Variants in FAIM2 observed in about 807,000 individuals in gnomAD.
FAIM2 encodes protein lifeguard 2.
FAIM2 carries 27 observed loss-of-function variants against 47.4 expected under a neutral mutation model. That is an observed-to-expected ratio of 0.57 (90% CI 0.42 to 0.78). FAIM2 has a LOEUF of 0.78. FAIM2 is among the 30% of genes least tolerant of loss of function. The pLI, the probability that FAIM2 is intolerant of heterozygous loss-of-function variation, is 0.00. For missense variants in FAIM2, 311 were observed against 389.4 expected (o/e 0.80, Z 1.69); for synonymous variants, 156 against 159.3 (o/e 0.98, Z 0.16).
Position 49,900,167 on chromosome 12 carries a change from C to G in FAIM2, c.211+963G>C, listed in dbSNP as rs74901040. Reference sequence around the variant, plus strand: ...CACAAACACCAGACCTTCATTGACCCTCCAGTAGGTCACGGTGGGGTGAGT... The same window carrying G: ...CACAAACACCAGACCTTCATTGACCGTCCAGTAGGTCACGGTGGGGTGAGT... On this transcript the variant is annotated intron_variant, in intron 2 of 11. Transcript: ENST00000320634. 4,369 of 1,282,442 alleles carry G rather than the reference C, an allele frequency of 3.4e-3. 142 individuals carry two copies. The African/African-American group carries it at 0.059, about 17-fold the overall frequency. 79.4% of individuals were successfully genotyped at this position (1,282,442 alleles called of 1,614,324 possible).
intron 2 of FAIM2, among the ~76,000 whole-genome samples, chr12:49,898,435 C>T (rs1385569885): frequency 7.9e-6 from 1 of 126,470 alleles, no homozygotes; most frequent in Non-Finnish European, 1.7e-5. Context: ...ATTCTGGCTC[C>T]CTTGTGGTCA....
rs80295142 is a variant in FAIM2, at chr12:49,889,332, C to G, written c.652-130G>C. 2,951 of 947,506 alleles carry G rather than the reference C, an allele frequency of 3.1e-3. 68 individuals carry two copies. In the African/African-American group the frequency reaches 0.042, roughly 13 times the overall value. 58.7% of individuals were successfully genotyped at this position (947,506 alleles called of 1,614,324 possible). A position where few individuals can be genotyped will look rare whatever the true frequency, so the allele number is the denominator to read the frequency against. On this transcript the variant is annotated intron_variant, in intron 9 of 11. Transcript: ENST00000320634. ...AGAACCTGGCATTCCTTCCCCTCCT[C>G]CCCCTCATCAGGTGGCTTCCCCAAA...
Position 49,889,571 on chromosome 12 carries a change from G to A in FAIM2, c.564-3C>T. ...GCACGGAGGTGGTGTTGTAGTAGCT[G>A]AGGACCGTCAGGCCGAGGGGTCAGC... On this transcript the variant is annotated splice_polypyrimidine_tract_variant and splice_region_variant and intron_variant, in intron 8 of 11. Transcript: ENST00000320634. 6.2e-7 allele frequency: 1 copy of A among 1,613,818 alleles called. No individual in the cohort carries two copies. Among genetic ancestry groups the A allele is most frequent in the Non-Finnish European group, 8.5e-7 (1 of 1,179,748 alleles).
At chr12:49,879,619 T>G (rs1280299401) in intron 11 of FAIM2, among the ~76,000 whole-genome samples, 2 of 151,798 alleles carry the variant, frequency 1.3e-5, no homozygotes, top group African/African-American at 4.8e-5. Context: ...TGTGTGTGCA[T>G]GTGTGTATAT....
intron 11 of FAIM2, among the ~76,000 whole-genome samples, chr12:49,885,698 G>C (rs1565616554): frequency 6.6e-6 from 1 of 152,036 alleles, no homozygotes; most frequent in Non-Finnish European, 1.5e-5. Flanking sequence ...TATCTTGCCG[G>C]GAAACCATGG....
At chr12:49,890,557 C>T in intron 7 of FAIM2, 126 bp downstream of exon 7, 1 of 871,652 alleles carries the variant, frequency 1.1e-6, no homozygotes, top group Non-Finnish European at 1.9e-6. Flanking sequence ...GAAAACACCC[C>T]TGCCCCGCCA....
intron 10 of FAIM2, 152 bp from the exon 11 acceptor site, chr12:49,887,591 C>T (rs1946870879): frequency 1.4e-6 from 1 of 691,916 alleles, no homozygotes; most frequent in Non-Finnish European, 2.5e-6. Context: ...GCCCCTGATT[C>T]TCTGTGTGCC....
At chr12:49,879,904 G>A (rs1946794680) in intron 11 of FAIM2, among the ~76,000 whole-genome samples, 1 of 143,332 alleles carries the variant, frequency 7.0e-6, no homozygotes, top group African/African-American at 2.7e-5. Flanking sequence ...GTATGTGCAT[G>A]TGTATATGTG....
At chr12:49,880,497 T>A (rs1293436019) in intron 11 of FAIM2, among the ~76,000 whole-genome samples, 1 of 82,030 alleles carries the variant, frequency 1.2e-5, no homozygotes, top group Non-Finnish European at 3.6e-5. Flanking sequence ...CATGTGTATG[T>A]GTGTGTATGA....
chr12:49,875,984 G>C (rs773589302), intron 11 of FAIM2, among the ~76,000 whole-genome samples: 5 of 152,090 alleles, frequency 3.3e-5, no homozygotes, highest in Non-Finnish European at 4.4e-5. Flanking sequence ...TCAAAAAAAA[G>C]GAACCAGGAG....
chr12:49,872,558 T>C (rs1187018084), intron 11 of FAIM2, among the ~76,000 whole-genome samples: 2 of 152,194 alleles, frequency 1.3e-5, no homozygotes, highest in African/African-American at 4.8e-5. Context: ...CGCAGCCCTG[T>C]AGAATCCTAG....
At chr12:49,870,903 C>A (rs1289312227) in intron 11 of FAIM2, among the ~76,000 whole-genome samples, 2 of 152,246 alleles carry the variant, frequency 1.3e-5, no homozygotes, top group Non-Finnish European at 2.9e-5. Context: ...CCTGTCCTCA[C>A]AGAGCTTAGA....
chr12:49,891,526 G>A (rs1013988313), intron 5 of FAIM2, among the ~76,000 whole-genome samples: 2 of 152,120 alleles, frequency 1.3e-5, no homozygotes, highest in African/African-American at 4.8e-5. Context: ...GAGGTCAGGC[G>A]ACTTGTCCAA....
At chr12:49,894,070 C>G (rs933988948) in intron 5 of FAIM2, among the ~76,000 whole-genome samples, 1 of 152,146 alleles carries the variant, frequency 6.6e-6, no homozygotes, top group African/African-American at 2.4e-5. Flanking sequence ...GGCTGACACC[C>G]CGCATTCACA....
At chr12:49,890,580 T>G (rs1368444387) in intron 7 of FAIM2, 103 bp downstream of exon 7, 2 of 1,088,858 alleles carry the variant, frequency 1.8e-6, no homozygotes, top group African/African-American at 3.1e-5. Flanking sequence ...GACCTCACAT[T>G]GGACATCCCC....
At position 49,889,026 on chromosome 12, in the gene FAIM2, C is replaced by T. The variant is rs180875350; in HGVS notation, c.747+81G>A. ...GGCCTTGGCTCCTGGCCTTCCCTGG[C>T]GGATAGGGGAGGGAACGGCACCTTG... On this transcript the variant is annotated intron_variant, in intron 10 of 11. Transcript: ENST00000320634. 27 of 1,030,516 alleles carry T rather than the reference C, an allele frequency of 2.6e-5. No individual in the cohort carries two copies. The East Asian group carries it at 3.1e-4, about 12-fold the overall frequency. 63.8% of individuals were successfully genotyped at this position (1,030,516 alleles called of 1,614,324 possible).
At chr12:49,892,037 T>C (rs984880945) in intron 5 of FAIM2, among the ~76,000 whole-genome samples, 3 of 152,098 alleles carry the variant, frequency 2.0e-5, no homozygotes, top group African/African-American at 7.2e-5. Context: ...CCCCATCTCC[T>C]TCCTCGGTTC....
At chr12:49,900,114 G>A (rs776348193) in intron 2 of FAIM2, 62 of 934,644 alleles carry the variant, frequency 6.6e-5, no homozygotes, top group South Asian at 2.7e-4. Context: ...GTGGGCCGGC[G>A]GGTGTGTAGG....
intron 5 of FAIM2, among the ~76,000 whole-genome samples, chr12:49,891,533 C>T (rs1010502753): frequency 6.6e-6 from 1 of 152,150 alleles, no homozygotes; most frequent in African/African-American, 2.4e-5. Flanking sequence ...GGCGACTTGT[C>T]CAAGGCCATC....
Sources: gnomAD v4.1 joint callset for allele counts (sites outside exome capture counted in the v4.1 genomes callset) on GRCh38, gnomAD v4.1.1 for gene constraint, MANE v1.5 for transcripts, NCBI Gene and HGNC (gene_info 2026-07-23, HGNC 2026-07-21) for gene names.